DDIAS: variants seen among roughly 807,000 people sequenced by gnomAD.
DDIAS encodes the protein DNA damage-induced apoptosis suppressor protein.
Under a neutral mutation model 15.7 loss-of-function variants are expected in DDIAS, and 14 were observed. The ratio of observed to expected loss-of-function variants is 0.89; its 90% CI spans 0.59 to 1.39. The LOEUF (loss-of-function observed/expected upper bound fraction) is 1.39. Among genes scored for constraint, DDIAS ranks in the 40% most tolerant of loss-of-function variants. The probability of loss-of-function intolerance (pLI) is 0.00; values close to 1 mark genes in which losing one functional copy is unlikely to be tolerated. For synonymous variants in DDIAS, 355 were observed against 395.9 expected (o/e 0.90, Z 1.23); for missense variants, 1,035 against 1,130.9 (o/e 0.92, Z 1.22).
At chr11:82,928,709 T>A (rs1340873116) in intron 3 of DDIAS, 68 bp from the exon 4 acceptor site, 5 of 1,518,246 alleles carry the variant, frequency 3.3e-6, no homozygotes, top group African/African-American at 1.4e-5. Flanking sequence ...TTTTTACTGT[T>A]CTGGATTTTT....
At chr11:82,915,482 C>T (rs1860613020) in intron 3 of DDIAS, among the ~76,000 whole-genome samples, 2 of 152,074 alleles carry the variant, frequency 1.3e-5, no homozygotes, top group Admixed American at 6.5e-5. Flanking sequence ...GAGTAGTGTG[C>T]CAGCAATATT....
intron 1 of DDIAS, among the ~76,000 whole-genome samples, chr11:82,902,068 G>A (rs1860319390): frequency 6.6e-6 from 1 of 152,170 alleles, no homozygotes; most frequent in Non-Finnish European, 1.5e-5. Context: ...AGCTAGACTC[G>A]GAGTGAGCTT....
intron 1 of DDIAS, among the ~76,000 whole-genome samples, chr11:82,906,521 T>G (rs995207111): frequency 6.6e-6 from 1 of 152,160 alleles, no homozygotes; most frequent in African/African-American, 2.4e-5. Context: ...TTAGCAATTT[T>G]TTTTAGGACA....
chr11:82,921,644 C>G (rs1860755079), intron 3 of DDIAS, among the ~76,000 whole-genome samples: 1 of 129,028 alleles, frequency 7.8e-6, no homozygotes, highest in South Asian at 2.7e-4. Flanking sequence ...GTGGTGCAAT[C>G]TCGTCTCACT....
chr11:82,919,883 G>C (rs1327879052), intron 3 of DDIAS, among the ~76,000 whole-genome samples: 1 of 152,112 alleles, frequency 6.6e-6, no homozygotes, highest in Non-Finnish European at 1.5e-5. Flanking sequence ...CCACCACCAT[G>C]CCCAGCTAAT....
intron 3 of DDIAS, among the ~76,000 whole-genome samples, chr11:82,922,036 C>T (rs1860765398): frequency 6.6e-6 from 1 of 152,158 alleles, no homozygotes; most frequent in Non-Finnish European, 1.5e-5. Context: ...TAAGATAGGG[C>T]CCTAATCCCT....
chr11:82,905,466 A>G (rs1860409203), intron 1 of DDIAS, among the ~76,000 whole-genome samples: 2 of 152,148 alleles, frequency 1.3e-5, no homozygotes, highest in Admixed American at 6.5e-5. Flanking sequence ...TATCTTAAAT[A>G]TATAAAGAAA....
At chr11:82,915,049 C>T (rs938068444) in intron 3 of DDIAS, among the ~76,000 whole-genome samples, 198 bp downstream of exon 3, 8 of 152,168 alleles carry the variant, frequency 5.3e-5, no homozygotes, top group Non-Finnish European at 1.0e-4. Context: ...CTGTCAAGTC[C>T]TTTGCTAAAT....
At chr11:82,915,529 G>A (rs1174826665) in intron 3 of DDIAS, among the ~76,000 whole-genome samples, 1 of 152,116 alleles carries the variant, frequency 6.6e-6, no homozygotes, top group East Asian at 1.9e-4. Context: ...CATTGAATGG[G>A]GAGGCAGAAA....
At chr11:82,924,744 G>A (rs1429254826) in intron 3 of DDIAS, among the ~76,000 whole-genome samples, 4 of 152,038 alleles carry the variant, frequency 2.6e-5, no homozygotes, top group African/African-American at 4.8e-5. Context: ...GAGCCTGAGC[G>A]GTCAAGGCTT....
At chr11:82,916,287 C>G (rs1389011188) in intron 3 of DDIAS, among the ~76,000 whole-genome samples, 1 of 152,088 alleles carries the variant, frequency 6.6e-6, no homozygotes, top group Non-Finnish European at 1.5e-5. Context: ...AAAGTGGTAG[C>G]TATTATTATT....
rs562091486 is a variant in DDIAS, at chr11:82,922,268, C to T, written c.114-6509C>T. Among the ~76,000 whole-genome samples, 5 of 152,224 alleles carry T rather than the reference C, an allele frequency of 3.3e-5. No individual in the cohort carries two copies. In the East Asian group the frequency reaches 7.7e-4, roughly 23 times the overall value. On this transcript the variant is annotated intron_variant, in intron 3 of 5. Coordinates refer to ENST00000533655, the MANE Select transcript of DDIAS (RefSeq NM_145018.4). The stretch of plus-strand genomic sequence containing the variant: ...TAGATGCCTAGGTCTCTAGCAAGGC[C>T]GGGGAAGGTTTCCTCAATTATTCAC...
At position 82,927,513 on chromosome 11, in the gene DDIAS, C is replaced by T. The variant is rs1485566521; in HGVS notation, c.114-1264C>T. Among the ~76,000 whole-genome samples, 7 of 152,324 alleles carry T rather than the reference C, an allele frequency of 4.6e-5. 1 individual carries two copies. The East Asian group carries it at 1.3e-3, about 29-fold the overall frequency. ...ATCAAATTTATACAACCATCTTTCA[C>T]CTTGCTTTCTGTTTGCCTTTTGCCA... On this transcript the variant is annotated intron_variant, in intron 3 of 5. Coordinates refer to ENST00000533655, the MANE Select transcript of DDIAS (RefSeq NM_145018.4).
At chr11:82,924,097 A>G (rs1262482855) in intron 3 of DDIAS, among the ~76,000 whole-genome samples, 1 of 152,192 alleles carries the variant, frequency 6.6e-6, no homozygotes, top group African/African-American at 2.4e-5. Flanking sequence ...CCCATTCCCA[A>G]CTACCCAAAA....
intron 4 of DDIAS, among the ~76,000 whole-genome samples, chr11:82,929,590 C>A (rs568622281): frequency 5.5e-4 from 83 of 151,542 alleles, no homozygotes; most frequent in African/African-American, 1.9e-3. Flanking sequence ...GTAGTCCCAG[C>A]TACGCCGGGA....
intron 3 of DDIAS, among the ~76,000 whole-genome samples, chr11:82,916,996 G>A (rs1026124453): frequency 6.6e-6 from 1 of 152,066 alleles, no homozygotes; most frequent in Non-Finnish European, 1.5e-5. Context: ...AAGTGACCTC[G>A]GAAAGGACTT....
chr11:82,934,279 G>A lies in DDIAS; in HGVS notation c.2941G>A (p.Gly981Ser). 6.2e-7 allele frequency: 1 copy of A among 1,612,408 alleles called. No homozygotes were observed. The highest frequency in any genetic ancestry group is 8.5e-7 in the Non-Finnish European group (1 of 1,179,580). The change falls in exon 6 of 6, where the codon GGC (glycine) becomes AGC (serine). Residue 981 changes from glycine to serine, a missense_variant. By Grantham distance (56) the Gly-to-Ser change is moderately conservative. Coordinates refer to ENST00000533655, the MANE Select transcript of DDIAS (RefSeq NM_145018.4). ...VKCCLPFSEK[G>S]PPSVCETRSA... Reference sequence around the variant, plus strand: ...ATGTTGCCTTCCATTTTCAGAAAAAGGCCCACCTTCAGTGTGTGAAACTCG... The same window carrying A: ...ATGTTGCCTTCCATTTTCAGAAAAAAGCCCACCTTCAGTGTGTGAAACTCG...
chr11:82,903,719 A>G (rs1860373210), intron 1 of DDIAS, among the ~76,000 whole-genome samples: 3 of 152,186 alleles, frequency 2.0e-5, no homozygotes, highest in Admixed American at 2.0e-4. Flanking sequence ...ATTGGAGGAG[A>G]CCATTAGACA....
chr11:82,932,779 T>C lies in DDIAS; in HGVS notation c.1441T>C (p.Ser481Pro). 6.2e-7 allele frequency: 1 copy of C among 1,613,928 alleles called. No homozygotes were observed. The highest frequency in any genetic ancestry group is 8.5e-7 in the Non-Finnish European group (1 of 1,180,014). Residue 481 changes from serine to proline, a missense_variant, in exon 6 of 6, where the codon TCA (serine) becomes CCA (proline). By Grantham distance (74) the Ser-to-Pro change is moderately conservative. Coordinates refer to ENST00000533655, the MANE Select transcript of DDIAS (RefSeq NM_145018.4). ...ALHTPPIALR[S>P]SQVIVKANCS... Reference sequence around the variant, plus strand: ...GCATACACCACCTATAGCTTTAAGATCATCACAAGTAATAGTCAAAGCAAA... The same window carrying C: ...GCATACACCACCTATAGCTTTAAGACCATCACAAGTAATAGTCAAAGCAAA...
Sources: gnomAD v4.1 joint callset for allele counts (sites outside exome capture counted in the v4.1 genomes callset) on GRCh38, gnomAD v4.1.1 for gene constraint, MANE v1.5 for transcripts, NCBI Gene and HGNC (gene_info 2026-07-23, HGNC 2026-07-21) for gene names.